Variants in CFAP47 observed in about 807,000 individuals in gnomAD.
CFAP47 encodes cilia- and flagella-associated protein 47.
A neutral mutation model predicts 148.1 loss-of-function variants in CFAP47; 29 were observed. The observed-to-expected ratio is 0.20, with a 90% CI of 0.15 to 0.27. The LOEUF (loss-of-function observed/expected upper bound fraction) is 0.27, where lower values mean the gene tolerates loss of function less well. CFAP47 is among the 10% of genes least tolerant of loss of function. The pLI is 1.00. For missense variants in CFAP47, 1,872 were observed against 1,697.5 expected, an observed-to-expected ratio of 1.10 and a Z score of -1.81; for synonymous variants, 664 against 577.3, an observed-to-expected ratio of 1.15 and a Z score of -2.15.
At chrX:36,034,807 T>G (rs1937319721) in intron 23 of CFAP47, among the ~76,000 whole-genome samples, 1 of 110,972 alleles carries the variant, frequency 9.0e-6, no homozygotes, top group African/African-American at 3.3e-5. Flanking sequence ...CTAGTACTTT[T>G]TATTGTAGAA....
intron 46 of CFAP47, among the ~76,000 whole-genome samples, chrX:36,231,153 G>T (rs1416771658): frequency 1.0e-3 from 109 of 106,610 alleles, no homozygotes; most frequent in South Asian, 2.5e-3. Flanking sequence ...GTGAAGAAAG[G>T]CATTGGTAGC....
intron 33 of CFAP47, among the ~76,000 whole-genome samples, chrX:36,111,951 A>G (rs1938562530): frequency 9.0e-6 from 1 of 110,820 alleles, no homozygotes; most frequent in African/African-American, 3.3e-5. Context: ...GGTGACTGAT[A>G]CCCTTTGTAA....
chrX:36,169,044 A>G (rs1456216567), intron 39 of CFAP47, among the ~76,000 whole-genome samples: 1 of 110,682 alleles, frequency 9.0e-6, no homozygotes, highest in East Asian at 2.8e-4. Flanking sequence ...TTTTCTGTAT[A>G]CATTGTACTT....
At chrX:36,259,997 G>T (rs1303491574) in intron 49 of CFAP47, among the ~76,000 whole-genome samples, 1 of 111,215 alleles carries the variant, frequency 9.0e-6, no homozygotes, top group Non-Finnish European at 1.9e-5. Context: ...AGTTTGCTCA[G>T]GATAATGGCC....
At chrX:36,287,725 A>T (rs1221158469) in intron 51 of CFAP47, among the ~76,000 whole-genome samples, 2 of 111,551 alleles carry the variant, frequency 1.8e-5, no homozygotes, top group African/African-American at 3.3e-5. Context: ...GTGGCTAGTG[A>T]TGTTGCCAAA....
intron 26 of CFAP47, among the ~76,000 whole-genome samples, chrX:36,047,858 C>T (rs972085204): frequency 8.9e-6 from 1 of 111,976 alleles, no homozygotes; most frequent in Admixed American, 9.5e-5. Flanking sequence ...TTCACAACAT[C>T]CCATTTCAAT....
intron 62 of CFAP47, among the ~76,000 whole-genome samples, chrX:36,369,031 A>T (rs1941905524): frequency 9.0e-6 from 1 of 111,201 alleles, no homozygotes; most frequent in South Asian, 3.7e-4. Flanking sequence ...ATTTTTAATT[A>T]GTATTACTAA....
At chrX:36,371,759 T>TATATGTGTGTATATACACAC (rs782510462) in intron 62 of CFAP47, among the ~76,000 whole-genome samples, 2 of 53,582 alleles carry the variant, frequency 3.7e-5, no homozygotes, top group Non-Finnish European at 5.9e-5. Flanking sequence ...TATACACACA[T>TATATGTGTGTATATACACAC]GTGTGTATAT....
chrX:36,177,652 G>A (rs1939701270), intron 39 of CFAP47, among the ~76,000 whole-genome samples: 1 of 112,038 alleles, frequency 8.9e-6, no homozygotes, highest in African/African-American at 3.2e-5. Context: ...AAAATTTTTA[G>A]TATTTAATAT....
In CFAP47 at chrX:36,019,055, G is replaced by A. The variant is rs779103302; in HGVS notation, c.3556+4143G>A. Among the ~76,000 whole-genome samples, 3 of 111,553 alleles carry A rather than the reference G, an allele frequency of 2.7e-5. No individual in the cohort carries two copies. In the East Asian group the frequency reaches 8.5e-4, roughly 32 times the overall value. ...TGTTGAAGTTTGGAATTTCCCCCTG[G>A]TTCTGCGGTAGTGCTCCTCACACGG... On this transcript the variant is annotated intron_variant, in intron 22 of 63. Transcript: ENST00000378653.
intron 49 of CFAP47, among the ~76,000 whole-genome samples, chrX:36,274,062 G>T (rs886312329): frequency 9.0e-6 from 1 of 111,579 alleles, no homozygotes; most frequent in Admixed American, 9.5e-5. Flanking sequence ...TTTATTTTTT[G>T]TGATAGTTAA....
chrX:35,979,418 A>G (rs370461542), intron 15 of CFAP47, among the ~76,000 whole-genome samples: 20 of 109,575 alleles, frequency 1.8e-4, no homozygotes, highest in East Asian at 8.7e-4. Context: ...CACACAATCC[A>G]TGAACTTGTT....
intron 22 of CFAP47, among the ~76,000 whole-genome samples, chrX:36,030,495 A>G (rs774074375): frequency 1.8e-5 from 2 of 111,132 alleles, no homozygotes; most frequent in South Asian, 3.7e-4. Flanking sequence ...TGGGAGTAAC[A>G]CAAGGATGAA....
At chrX:35,936,782 A>C (rs1219087395) in intron 2 of CFAP47, among the ~76,000 whole-genome samples, 3 of 110,726 alleles carry the variant, frequency 2.7e-5, no homozygotes. Context: ...ATATGTTATC[A>C]CTACTGCTCC....
At chrX:36,156,656 A>G (rs1218683020) in intron 37 of CFAP47, among the ~76,000 whole-genome samples, 1 of 110,166 alleles carries the variant, frequency 9.1e-6, no homozygotes, top group Non-Finnish European at 1.9e-5. Context: ...GGGAAAGGCA[A>G]TTGGAGCAAA....
chrX:35,986,672 TGGA>T (rs1311437218), intron 15 of CFAP47, among the ~76,000 whole-genome samples: 6 of 110,747 alleles, frequency 5.4e-5, no homozygotes, highest in Non-Finnish European at 7.5e-5. Context: ...TGTGATACTT[TGGA>T]GGAGAAGAGG....
At chrX:36,030,818 G>A (rs1266921375) in intron 22 of CFAP47, among the ~76,000 whole-genome samples, 1 of 109,531 alleles carries the variant, frequency 9.1e-6, no homozygotes, top group East Asian at 2.9e-4. Flanking sequence ...TTTACTCCCA[G>A]AGTTTTCTTG....
At chrX:35,975,948 A>G (rs1234255557) in intron 15 of CFAP47, 35 bp downstream of exon 15, 3 of 1,178,691 alleles carry the variant, frequency 2.5e-6, no homozygotes, top group Non-Finnish European at 3.5e-6. Context: ...TTAGACATTT[A>G]TTTTTTCATG....
At chrX:36,063,319 A>G (rs933679583) in intron 26 of CFAP47, among the ~76,000 whole-genome samples, 6 of 111,432 alleles carry the variant, frequency 5.4e-5, no homozygotes, top group Non-Finnish European at 9.4e-5. Flanking sequence ...TTTTTATTAA[A>G]ATATAGGCTA....
Sources: allele counts gnomAD v4.1 joint callset (sites outside exome capture counted in the v4.1 genomes callset), GRCh38; gene constraint gnomAD v4.1.1; transcripts MANE v1.5; gene names NCBI Gene and HGNC (gene_info 2026-07-23, HGNC 2026-07-21).